TNR: variants seen among roughly 807,000 people sequenced by gnomAD.
TNR encodes tenascin R.
A neutral mutation model predicts 150.4 loss-of-function variants in TNR; 45 were observed. The ratio of observed to expected loss-of-function variants is 0.30; its 90% CI spans 0.24 to 0.38. The LOEUF is 0.38. Ranked by LOEUF, TNR falls within the 10% of genes least tolerant of loss-of-function variation. The probability of loss-of-function intolerance (pLI) is 1.00; values close to 1 mark genes in which losing one functional copy is unlikely to be tolerated. For synonymous variants in TNR, 687 were observed against 678.4 expected, an observed-to-expected ratio of 1.01 and a Z score of -0.20; for missense variants, 1,544 against 1,759.1, an observed-to-expected ratio of 0.88 and a Z score of 2.19.
rs572162890 is a variant in TNR, at chr1:175,627,227, G to A, written c.-164-98858C>T. On this transcript the variant is annotated intron_variant, in intron 1 of 22. Transcript: ENST00000367674. Reference sequence around the variant, plus strand: ...CAAGAGGACAAAGCAGAATCTCATGGAATAAAAAGCCCTGGATTGAGAGTA... The same window carrying A: ...CAAGAGGACAAAGCAGAATCTCATGAAATAAAAAGCCCTGGATTGAGAGTA... Among the ~76,000 whole-genome samples the A allele has an allele frequency of 2.0e-4, 31 of 152,314 alleles. 1 individual carries two copies. The highest frequency in any genetic ancestry group is 6.0e-4 in the African/African-American group (25 of 41,564).
chr1:175,326,344 G>C (rs976494714), intron 21 of TNR, among the ~76,000 whole-genome samples: 2 of 152,170 alleles, frequency 1.3e-5, no homozygotes, highest in African/African-American at 4.8e-5. Context: ...TGTGTTAAGC[G>C]AGGAAAGACC....
intron 9 of TNR, among the ~76,000 whole-genome samples, chr1:175,376,255 C>A (rs1161581354): frequency 6.6e-6 from 1 of 152,116 alleles, no homozygotes; most frequent in East Asian, 1.9e-4. Flanking sequence ...GCTCACAGAC[C>A]TCCTCATCTC....
intron 2 of TNR, among the ~76,000 whole-genome samples, chr1:175,428,932 C>T (rs1290718310): frequency 1.8e-5 from 2 of 109,786 alleles, no homozygotes; most frequent in Non-Finnish European, 3.5e-5. Flanking sequence ...CCTTTAAACT[C>T]ATTTGGGACC....
At chr1:175,416,461 C>T (rs1382745296) in intron 2 of TNR, among the ~76,000 whole-genome samples, 1 of 152,188 alleles carries the variant, frequency 6.6e-6, no homozygotes, top group Non-Finnish European at 1.5e-5. Flanking sequence ...CTCCTAAGCA[C>T]CTGACCTTTT....
chr1:175,658,732 A>G (rs1665271269), intron 1 of TNR, among the ~76,000 whole-genome samples: 1 of 152,268 alleles, frequency 6.6e-6, no homozygotes, highest in African/African-American at 2.4e-5. Flanking sequence ...CCATTGGTTC[A>G]TTGAAAAGAG....
intron 2 of TNR, among the ~76,000 whole-genome samples, chr1:175,482,240 C>T (rs1167343664): frequency 7.2e-5 from 11 of 152,148 alleles, no homozygotes; most frequent in Non-Finnish European, 1.3e-4. Flanking sequence ...CCAAGATGAC[C>T]GCATTAATCA....
At chr1:175,596,911 A>C (rs911590072) in intron 1 of TNR, among the ~76,000 whole-genome samples, 2 of 152,190 alleles carry the variant, frequency 1.3e-5, no homozygotes, top group Non-Finnish European at 2.9e-5. Context: ...AATTTTCCCA[A>C]AACATTTCAC....
intron 1 of TNR, among the ~76,000 whole-genome samples, chr1:175,594,314 C>T (rs1662922984): frequency 6.6e-6 from 1 of 152,076 alleles, no homozygotes; most frequent in Non-Finnish European, 1.5e-5. Flanking sequence ...CCACTCTTCC[C>T]ACCTCTTTGC....
chr1:175,355,509 G>A lies in TNR; in HGVS notation c.3243C>T (p.Ser1081=), dbSNP rs1368926977. The change falls in exon 17 of 23, where the codon AGC becomes AGT. Residue 1081 remains serine, a synonymous_variant. Transcript: ENST00000367674. ...CTTTCCAGCAAAATCTCACCTTGCG[G>A]CTTCCATCGGTGGATTTGTAGGTCA... is the stretch of plus-strand genomic sequence containing the variant. ...YVLTYKSTDG[S]RKELIVDAED... is the part of the protein sequence containing the mutation. 1.2e-6 allele frequency: 2 copies of A among 1,613,760 alleles called. No individual in the cohort carries two copies. The highest frequency in any genetic ancestry group is 1.3e-5 in the African/African-American group (1 of 74,902).
chr1:175,591,517 G>A (rs1165865914), intron 1 of TNR, among the ~76,000 whole-genome samples: 1 of 152,178 alleles, frequency 6.6e-6, no homozygotes, highest in Non-Finnish European at 1.5e-5. Flanking sequence ...CAATCACCCA[G>A]TGCCTATCTC....
At chr1:175,705,013 G>A (rs926106966) in intron 1 of TNR, among the ~76,000 whole-genome samples, 2 of 152,144 alleles carry the variant, frequency 1.3e-5, no homozygotes, top group Non-Finnish European at 2.9e-5. Context: ...TGGAGGTGGG[G>A]CCAGAGCAAG....
intron 1 of TNR, among the ~76,000 whole-genome samples, chr1:175,583,110 A>G (rs888979592): frequency 3.9e-5 from 6 of 152,206 alleles, no homozygotes; most frequent in Non-Finnish European, 8.8e-5. Context: ...CTAAGGCAAC[A>G]TGATAGGTAT....
chr1:175,577,004 T>G (rs955871763), intron 1 of TNR, among the ~76,000 whole-genome samples: 5 of 152,318 alleles, frequency 3.3e-5, no homozygotes, highest in Admixed American at 3.3e-4. Flanking sequence ...GGGCCATCCA[T>G]TCTTTTTCAA....
At chr1:175,704,009 AC>A (rs1405740769) in intron 1 of TNR, among the ~76,000 whole-genome samples, 1 of 152,200 alleles carries the variant, frequency 6.6e-6, no homozygotes, top group Non-Finnish European at 1.5e-5. Flanking sequence ...CTTATTTTTT[AC>A]AATGCATTCC....
chr1:175,675,137 C>A (rs927391978), intron 1 of TNR, among the ~76,000 whole-genome samples: 2 of 152,202 alleles, frequency 1.3e-5, no homozygotes, highest in Non-Finnish European at 2.9e-5. Context: ...TGGCAAGTTG[C>A]AGAGCAGCCA....
At chr1:175,417,526 G>A (rs1010693680) in intron 2 of TNR, among the ~76,000 whole-genome samples, 5 of 152,140 alleles carry the variant, frequency 3.3e-5, no homozygotes, top group African/African-American at 4.8e-5. Context: ...GCATATTAAC[G>A]TATTAGCAGA....
intron 1 of TNR, among the ~76,000 whole-genome samples, chr1:175,568,693 C>T (rs1261860880): frequency 1.3e-5 from 2 of 152,190 alleles, no homozygotes; most frequent in Non-Finnish European, 1.5e-5. Context: ...TCTCTGTTCA[C>T]GGTTTCTACT....
At chr1:175,453,821 C>G (rs1294069132) in intron 2 of TNR, among the ~76,000 whole-genome samples, 1 of 152,192 alleles carries the variant, frequency 6.6e-6, no homozygotes, top group African/African-American at 2.4e-5. Context: ...GAGCCTCCTG[C>G]CTTGGCCTCT....
chr1:175,571,882 A>G (rs1661886334), intron 1 of TNR, among the ~76,000 whole-genome samples: 1 of 152,168 alleles, frequency 6.6e-6, no homozygotes, highest in South Asian at 2.1e-4. Context: ...TGGCACAACC[A>G]CCAGAGTCCA....
Sources: allele counts gnomAD v4.1 joint callset (sites outside exome capture counted in the v4.1 genomes callset), GRCh38; gene constraint gnomAD v4.1.1; transcripts MANE v1.5; gene names NCBI Gene and HGNC (gene_info 2026-07-23, HGNC 2026-07-21).